CA5A: variants seen among roughly 807,000 people sequenced by gnomAD.
CA5A encodes carbonic anhydrase 5A, also known as carbonic anhydrase 5A, mitochondrial.
Under a neutral mutation model 37.1 loss-of-function variants are expected in CA5A, and 28 were observed. The observed-to-expected ratio is 0.75, with a 90% CI of 0.56 to 1.03. The LOEUF (loss-of-function observed/expected upper bound fraction) is 1.03, where lower values mean the gene tolerates loss of function less well. CA5A is among the 50% of genes least tolerant of loss of function. The pLI is 0.00. For synonymous variants in CA5A, 171 were observed against 158.4 expected, an observed-to-expected ratio of 1.08 and a Z score of -0.60; for missense variants, 444 against 399.9, an observed-to-expected ratio of 1.11 and a Z score of -0.94.
intron 2 of CA5A, among the ~76,000 whole-genome samples, chr16:87,926,547 G>T (rs1223971273): frequency 6.6e-6 from 1 of 152,224 alleles, no homozygotes; most frequent in African/African-American, 2.4e-5. Flanking sequence ...TCTGTAAAGT[G>T]AGCACCAGGC....
At chr16:87,916,730 C>T (rs139919300) in intron 2 of CA5A, among the ~76,000 whole-genome samples, 2,620 of 152,316 alleles carry the variant, frequency 0.017, 77 homozygotes, top group African/African-American at 0.06. Context: ...TTGATTGATC[C>T]TTCCTCCCTA....
intron 1 of CA5A, among the ~76,000 whole-genome samples, chr16:87,932,356 T>C (rs2056419384): frequency 6.6e-6 from 1 of 152,036 alleles, no homozygotes; most frequent in Non-Finnish European, 1.5e-5. Context: ...GAGACACAGG[T>C]TGTGGGAAGA....
intron 5 of CA5A, among the ~76,000 whole-genome samples, chr16:87,894,975 C>T (rs574454072): frequency 1.3e-5 from 2 of 152,136 alleles, no homozygotes; most frequent in Non-Finnish European, 2.9e-5. Context: ...CCTGGTTGGG[C>T]GCAATGGATC....
rs192417822 is a variant in CA5A, at chr16:87,929,601, A to G, written c.143-2656T>C. The stretch of plus-strand genomic sequence containing the variant: ...ATAAGTAAACCATCAGGCCAGGTGC[A>G]GTTGCTCACGCCTATAATCCCAGCA... On this transcript the variant is annotated intron_variant, in intron 1 of 6. Transcript: ENST00000649794. Among the ~76,000 whole-genome samples the G allele has an allele frequency of 4.4e-3, 671 of 151,928 alleles. 17 individuals are homozygous for G. Among genetic ancestry groups the G allele is most frequent in the Admixed American group, 0.04 (605 of 15,272 alleles).
chr16:87,897,248 G>C (rs150008302), intron 5 of CA5A, among the ~76,000 whole-genome samples: 1,788 of 152,396 alleles, frequency 0.012, 32 homozygotes, highest in African/African-American at 0.041. Context: ...AGCTCTGACT[G>C]TTGCGAAGGC....
At chr16:87,896,204 C>T (rs2055799837) in intron 5 of CA5A, among the ~76,000 whole-genome samples, 1 of 152,240 alleles carries the variant, frequency 6.6e-6, no homozygotes, top group Non-Finnish European at 1.5e-5. Flanking sequence ...TGAGGCCTGG[C>T]CCGTTCCGAG....
intron 2 of CA5A, among the ~76,000 whole-genome samples, chr16:87,913,476 G>T (rs1165303366): frequency 1.3e-5 from 2 of 152,052 alleles, no homozygotes; most frequent in Non-Finnish European, 2.9e-5. Context: ...CAAGACCACT[G>T]TTAAAAGCCC....
At chr16:87,893,464 G>C (rs1176622997) in intron 5 of CA5A, 1 of 545,602 alleles carries the variant, frequency 1.8e-6, no homozygotes, top group Non-Finnish European at 3.6e-6. Flanking sequence ...TACCAATGAG[G>C]GCATCCAGTA....
intron 1 of CA5A, among the ~76,000 whole-genome samples, chr16:87,934,236 A>G (rs1344137543): frequency 6.6e-6 from 1 of 152,260 alleles, no homozygotes; most frequent in Non-Finnish European, 1.5e-5. Context: ...ACCCCCTGTT[A>G]CAGACGACAA....
chr16:87,907,964 C>T (rs1187078711), intron 2 of CA5A, among the ~76,000 whole-genome samples: 5 of 152,172 alleles, frequency 3.3e-5, no homozygotes, highest in African/African-American at 9.7e-5. Flanking sequence ...CGGTTGTTTC[C>T]GTCTGGACCA....
intron 5 of CA5A, chr16:87,893,122 C>T: frequency 1.8e-6 from 1 of 563,098 alleles, no homozygotes; most frequent in Non-Finnish European, 3.1e-6. Context: ...TTCTTTCTTT[C>T]TTCCTTTCTT....
intron 5 of CA5A, among the ~76,000 whole-genome samples, chr16:87,900,937 TTA>T (rs2055868816): frequency 6.6e-6 from 1 of 152,194 alleles, no homozygotes; most frequent in South Asian, 2.1e-4. Flanking sequence ...AAGAAAAATA[TTA>T]ACTAGGCTGG....
At chr16:87,928,245 C>T (rs1285761442) in intron 1 of CA5A, among the ~76,000 whole-genome samples, 5 of 152,266 alleles carry the variant, frequency 3.3e-5, no homozygotes, top group Non-Finnish European at 7.4e-5. Flanking sequence ...ATCACTGCAG[C>T]CTTGAACCCC....
At chr16:87,902,020 G>A (rs777085917) in intron 4 of CA5A, 46 bp from the exon 5 acceptor site, 23 of 1,544,174 alleles carry the variant, frequency 1.5e-5, no homozygotes, top group East Asian at 1.1e-4. Flanking sequence ...GCAGTGGATG[G>A]GGGGGGAAGC....
intron 2 of CA5A, 83 bp from the exon 3 acceptor site, chr16:87,904,987 G>C (rs920872872): frequency 1.9e-5 from 16 of 826,770 alleles, no homozygotes; most frequent in African/African-American, 3.3e-5. Flanking sequence ...GTCTACATTA[G>C]GGTTATATGA....
intron 1 of CA5A, among the ~76,000 whole-genome samples, chr16:87,935,482 C>G (rs940967241): frequency 1.4e-4 from 21 of 152,200 alleles, no homozygotes; most frequent in Admixed American, 6.5e-4. Flanking sequence ...CAGTGTGTCC[C>G]GTGCGAACAC....
At chr16:87,895,906 C>T (rs1252470376) in intron 5 of CA5A, among the ~76,000 whole-genome samples, 1 of 152,172 alleles carries the variant, frequency 6.6e-6, no homozygotes, top group African/African-American at 2.4e-5. Context: ...TCCCATTGCA[C>T]GCTCTAGCTG....
intron 2 of CA5A, among the ~76,000 whole-genome samples, chr16:87,915,525 A>ATTTTTTTTTTTTTTTTTTTTTTTT (rs1162468866): frequency 9.3e-6 from 1 of 107,128 alleles, no homozygotes. Flanking sequence ...CCTGTGTCAA[A>ATTTTTTTTTTTTTTTTTTTTTTTT]ATTTTTTTTT....
intron 1 of CA5A, 151 bp downstream of exon 1, chr16:87,936,158 C>G: frequency 1.8e-6 from 1 of 569,792 alleles, no homozygotes; most frequent in African/African-American, 2.1e-5. Flanking sequence ...GGCCACAGAG[C>G]GAGACGCCAT....
Sources: allele counts gnomAD v4.1 joint callset (sites outside exome capture counted in the v4.1 genomes callset), GRCh38; gene constraint gnomAD v4.1.1; transcripts MANE v1.5; gene names NCBI Gene and HGNC (gene_info 2026-07-23, HGNC 2026-07-21).